The following ZNF521 variants were observed in gnomAD, a reference collection of about 807,000 sequenced individuals.
ZNF521 encodes zinc finger protein 521.
ZNF521 carries 14 observed loss-of-function variants against 105.5 expected under a neutral mutation model. That is an observed-to-expected ratio of 0.13 (90% CI 0.09 to 0.21). ZNF521 has a LOEUF of 0.21. Among genes scored for constraint, ZNF521 ranks in the 10% least tolerant of loss-of-function variants. ZNF521 has a pLI of 1.00. For missense variants in ZNF521, 1,233 were observed against 1,629.7 expected (o/e 0.76, Z 4.19); for synonymous variants, 635 against 606.0 (o/e 1.05, Z -0.70).
chr18:25,134,910 C>G (rs1311906053), intron 5 of ZNF521, among the ~76,000 whole-genome samples: 1 of 151,982 alleles, frequency 6.6e-6, no homozygotes, highest in Non-Finnish European at 1.5e-5. Context: ...GCTATTTGAT[C>G]AAACACAGAA....
intron 5 of ZNF521, among the ~76,000 whole-genome samples, chr18:25,175,273 C>T (rs1052071551): frequency 8.5e-5 from 13 of 152,192 alleles, no homozygotes; most frequent in Non-Finnish European, 1.8e-4. Context: ...TCAGGGAAAC[C>T]TCACTGGAAT....
chr18:25,262,715 A>G (rs553771375), intron 3 of ZNF521, among the ~76,000 whole-genome samples: 30 of 152,352 alleles, frequency 2.0e-4, no homozygotes, highest in African/African-American at 6.7e-4. Context: ...TACCTGGCTC[A>G]AAGAGACAGG....
At chr18:25,251,603 A>T (rs1334050916) in intron 3 of ZNF521, among the ~76,000 whole-genome samples, 1 of 152,194 alleles carries the variant, frequency 6.6e-6, no homozygotes, top group African/African-American at 2.4e-5. Context: ...ATATACAGAA[A>T]TCATAGACAA....
chr18:25,340,215 C>T (rs1484865186), intron 2 of ZNF521, among the ~76,000 whole-genome samples: 3 of 151,888 alleles, frequency 2.0e-5, no homozygotes, highest in Admixed American at 6.6e-5. Flanking sequence ...ATTAGCCAAG[C>T]GTGATGGTGC....
In ZNF521 at chr18:25,223,219, T is replaced by C. The variant is rs143581922; in HGVS notation, c.3573+1126A>G. On this transcript the variant is annotated intron_variant, in intron 4 of 7. Transcript: ENST00000361524. ...GCAGTTTGAAAGGATTTCATGTATTTAAATGAGAGAAAAGTGCAGATTTAC... is the reference window on the plus strand; with the variant it reads ...GCAGTTTGAAAGGATTTCATGTATTCAAATGAGAGAAAAGTGCAGATTTAC... Among the ~76,000 whole-genome samples, 340 of 152,324 alleles carry C rather than the reference T, an allele frequency of 2.2e-3. 5 individuals carry two copies. Among genetic ancestry groups the C allele is most frequent in the African/African-American group, 7.9e-3 (328 of 41,566 alleles).
intron 7 of ZNF521, among the ~76,000 whole-genome samples, chr18:25,081,913 T>C (rs956114109): frequency 3.3e-5 from 5 of 152,208 alleles, no homozygotes; most frequent in Non-Finnish European, 7.3e-5. Flanking sequence ...TTGTGTCCTA[T>C]GTGATTAACT....
chr18:25,244,816 C>T (rs867886111), intron 3 of ZNF521, among the ~76,000 whole-genome samples: 1 of 152,196 alleles, frequency 6.6e-6, no homozygotes, highest in African/African-American at 2.4e-5. Flanking sequence ...TCTCCTCACC[C>T]CATTGCTGGG....
chr18:25,292,210 G>A (rs1036272426), intron 3 of ZNF521, among the ~76,000 whole-genome samples: 3 of 152,032 alleles, frequency 2.0e-5, no homozygotes, highest in Non-Finnish European at 2.9e-5. Context: ...CCCACTTTTT[G>A]CTGTATCCCA....
In ZNF521 at chr18:25,079,660, G is replaced by A. The variant is rs1029065603; in HGVS notation, c.3906+9805C>T. 4.3e-4 allele frequency among the ~76,000 whole-genome samples: 62 copies of A among 143,696 alleles called. 1 individual carries two copies. The highest frequency in any genetic ancestry group is 1.9e-4 in the East Asian group (1 of 5,152). The allele number at this position is 143,696 out of a possible 152,430, so 94.3% of individuals were successfully genotyped here. A position where few individuals can be genotyped will look rare whatever the true frequency, so the allele number is the denominator to read the frequency against. On this transcript the variant is annotated intron_variant, in intron 7 of 7. Coordinates refer to ENST00000361524, the MANE Select transcript of ZNF521 (RefSeq NM_015461.3). Reference sequence around the variant, plus strand: ...GAGAGAAGACAGCTAGGAAGTGAGCGCACAGATGGTGGGGGGGACGCAGGG... The same window carrying A: ...GAGAGAAGACAGCTAGGAAGTGAGCACACAGATGGTGGGGGGGACGCAGGG...
intron 5 of ZNF521, among the ~76,000 whole-genome samples, chr18:25,108,990 G>A (rs1759189773): frequency 6.6e-6 from 1 of 152,128 alleles, no homozygotes; most frequent in Non-Finnish European, 1.5e-5. Context: ...GAGGGTACAT[G>A]TGCAGGTTTG....
chr18:25,261,893 A>G (rs1324730750), intron 3 of ZNF521, among the ~76,000 whole-genome samples: 1 of 152,156 alleles, frequency 6.6e-6, no homozygotes, highest in African/African-American at 2.4e-5. Context: ...GGACTTGGGC[A>G]TTTTACCTCA....
intron 7 of ZNF521, among the ~76,000 whole-genome samples, chr18:25,071,648 T>C (rs570872926): frequency 7.4e-4 from 112 of 152,236 alleles, no homozygotes; most frequent in African/African-American, 1.5e-3. Flanking sequence ...GGGTGGTACA[T>C]AGCAGCATCT....
chr18:25,211,666 T>C (rs1368502633), intron 4 of ZNF521, among the ~76,000 whole-genome samples: 3 of 152,206 alleles, frequency 2.0e-5, no homozygotes, highest in Non-Finnish European at 4.4e-5. Flanking sequence ...ATAAATTTGT[T>C]TTATAAACCT....
chr18:25,081,226 T>C (rs1353786051), intron 7 of ZNF521, among the ~76,000 whole-genome samples: 5 of 152,124 alleles, frequency 3.3e-5, no homozygotes, highest in Admixed American at 6.6e-5. Context: ...AGTTCGGAGA[T>C]GGCCATCTGT....
intron 3 of ZNF521, among the ~76,000 whole-genome samples, chr18:25,237,943 G>C (rs1239090076): frequency 2.6e-5 from 4 of 152,142 alleles, no homozygotes; most frequent in Admixed American, 2.6e-4. Flanking sequence ...TAAGATTTAA[G>C]ACCTGTGAGA....
chr18:25,148,838 AC>A (rs1364873769), intron 5 of ZNF521, among the ~76,000 whole-genome samples: 1 of 152,214 alleles, frequency 6.6e-6, no homozygotes, highest in African/African-American at 2.4e-5. Context: ...CCTAAAAGAT[AC>A]AATTATTTAA....
intron 3 of ZNF521, among the ~76,000 whole-genome samples, chr18:25,308,283 G>A (rs1054912677): frequency 6.6e-6 from 1 of 151,264 alleles, no homozygotes; most frequent in Non-Finnish European, 1.5e-5. Context: ...CACCTTGATG[G>A]CAACCTCATT....
intron 7 of ZNF521, among the ~76,000 whole-genome samples, chr18:25,063,405 C>T (rs1242788766): frequency 6.6e-6 from 1 of 152,068 alleles, no homozygotes; most frequent in Non-Finnish European, 1.5e-5. Flanking sequence ...GCCAGGTCTC[C>T]CCTTGTCCCC....
At position 25,062,702 on chromosome 18, in the gene ZNF521, T is replaced by C. The variant is rs1239908608; in HGVS notation, c.*10A>G. 1 of 1,562,470 alleles carries C rather than the reference T, an allele frequency of 6.4e-7. No homozygotes were observed. The highest frequency in any genetic ancestry group is 1.2e-5 in the South Asian group (1 of 86,024). On this transcript the variant is annotated 3_prime_UTR_variant, in exon 8 of 8. Transcript: ENST00000361524. ...ACAAAATCAATTCTCCTTGAGAGAC[T>C]GTACTTGCACTAACTGCTGTGTTGG...
Sources: allele counts gnomAD v4.1 joint callset (sites outside exome capture counted in the v4.1 genomes callset), GRCh38; gene constraint gnomAD v4.1.1; transcripts MANE v1.5; gene names NCBI Gene and HGNC (gene_info 2026-07-23, HGNC 2026-07-21).